The following NBAS variants were observed in gnomAD, a reference collection of about 807,000 sequenced individuals.
NBAS encodes the protein NBAS subunit of NRZ tethering complex, also known as NAG/BC035112 fusion.
NBAS carries 219 observed loss-of-function variants against 302.5 expected under a neutral mutation model. The ratio of observed to expected loss-of-function variants is 0.72; its 90% CI spans 0.65 to 0.81. The LOEUF is 0.81. NBAS is among the 30% of genes least tolerant of loss of function. The pLI, the probability that NBAS is intolerant of heterozygous loss-of-function variation, is 0.00. For missense variants in NBAS, 2,932 were observed against 2,841.6 expected, an observed-to-expected ratio of 1.03 and a Z score of -0.72; for synonymous variants, 1,118 against 1,021.6, an observed-to-expected ratio of 1.09 and a Z score of -1.80.
intron 6 of NBAS, among the ~76,000 whole-genome samples, chr2:15,548,026 AC>A (rs1206407136): frequency 6.6e-6 from 1 of 152,220 alleles, no homozygotes; most frequent in African/African-American, 2.4e-5. Flanking sequence ...ACAGTTTTCC[AC>A]AAATTTATAC....
intron 50 of NBAS, chr2:15,180,152 G>A (rs184908101): frequency 3.9e-5 from 6 of 152,276 alleles, no homozygotes; most frequent in Admixed American, 1.3e-4. Context: ...CATTATTATA[G>A]AGCATCAATA....
the NBAS span, among the ~76,000 whole-genome samples, chr2:15,076,834 A>G: frequency 4.6e-5 from 7 of 152,342 alleles, no homozygotes; most frequent in African/African-American, 1.7e-4. Flanking sequence ...GGAGGAATGG[A>G]GCAATATTTC....
At chr2:15,150,873 C>T in the NBAS span, among the ~76,000 whole-genome samples, 2 of 152,126 alleles carry the variant, frequency 1.3e-5, no homozygotes, top group Non-Finnish European at 1.5e-5. Context: ...CACATCTGCT[C>T]CTTTAGGTTC....
intron 44 of NBAS, among the ~76,000 whole-genome samples, chr2:15,265,398 T>C (rs1418264300): frequency 6.6e-6 from 1 of 152,178 alleles, no homozygotes; most frequent in African/African-American, 2.4e-5. Context: ...CCTCACAAGA[T>C]GTGTGTGAAT....
At chr2:15,350,218 G>C (rs906337011) in intron 35 of NBAS, among the ~76,000 whole-genome samples, 9 of 152,008 alleles carry the variant, frequency 5.9e-5, no homozygotes, top group Non-Finnish European at 1.2e-4. Context: ...CTTTGTACCA[G>C]AGTTCTAAAA....
At chr2:15,001,950 G>T in the NBAS span, among the ~76,000 whole-genome samples, 1 of 152,074 alleles carries the variant, frequency 6.6e-6, no homozygotes, top group African/African-American at 2.4e-5. Context: ...CTGCTGGCTC[G>T]GGCAGCCTGC....
chr2:14,938,587 A>T, the NBAS span, among the ~76,000 whole-genome samples: 1 of 152,240 alleles, frequency 6.6e-6, no homozygotes, highest in African/African-American at 2.4e-5. Flanking sequence ...TATCAAGAAT[A>T]CCAGATTCTA....
rs763894744 is a variant in NBAS at position 15,468,532 on chromosome 2, C to T, written c.1727G>A (p.Ser576Asn). The change falls in exon 17 of 52, where the codon AGT becomes AAT. Residue 576 changes from serine to asparagine, a missense_variant and splice_region_variant. Transcript: ENST00000281513. ...AACCCAGGATCGCTTCTTTATTTTACTCTGCATATAAAGGAAGAAACAGAG... is the reference window on the plus strand; with the variant it reads ...AACCCAGGATCGCTTCTTTATTTTATTCTGCATATAAAGGAAGAAACAGAG... Reference protein sequence around the residue: ...VNVASIQNYLSKIKKRSWVLH... With the variant: ...VNVASIQNYLNKIKKRSWVLH... 109 of 1,613,634 alleles carry T rather than the reference C, an allele frequency of 6.8e-5. No homozygotes were observed. Among genetic ancestry groups the T allele is most frequent in the Non-Finnish European group, 9.2e-5 (109 of 1,179,712 alleles).
intron 42 of NBAS, among the ~76,000 whole-genome samples, chr2:15,277,536 A>G (rs752241230): frequency 3.3e-5 from 5 of 152,236 alleles, no homozygotes; most frequent in Non-Finnish European, 4.4e-5. Flanking sequence ...AATGATACAG[A>G]AAAAACCCTA....
At position 15,488,991 on chromosome 2, in the gene NBAS, T is replaced by C. The variant is rs560143646; in HGVS notation, c.986A>G (p.Asp329Gly). 1.5e-5 allele frequency: 25 copies of C among 1,613,746 alleles called. No individual in the cohort carries two copies. In the South Asian group the frequency reaches 1.9e-4, roughly 12 times the overall value. ...GTGAATGGCTGCCAGGAGCATCCCA[T>C]CTGGAGAAAGGCTCATCTTAAAAAT... The part of the protein sequence containing the change: ...DGIFKMSLSP[D>G]GMLLAAIHFS... Residue 329 changes from aspartate to glycine, a missense_variant, in exon 12 of 52, where the codon GAT (aspartate) becomes GGT (glycine). Asp to Gly is a moderately conservative substitution (Grantham distance 94). Coordinates refer to ENST00000281513, the MANE Select transcript of NBAS (RefSeq NM_015909.4).
intron 44 of NBAS, among the ~76,000 whole-genome samples, chr2:15,261,002 G>T (rs1381355991): frequency 6.6e-6 from 1 of 152,198 alleles, no homozygotes; most frequent in Non-Finnish European, 1.5e-5. Context: ...GGACCCACTA[G>T]TGAGTTATAA....
chr2:14,927,692 TCAC>T, the NBAS span, among the ~76,000 whole-genome samples: 13 of 152,344 alleles, frequency 8.5e-5, no homozygotes, highest in African/African-American at 3.1e-4. Flanking sequence ...GATTCCAATT[TCAC>T]CACATCTTTG....
the NBAS span, among the ~76,000 whole-genome samples, chr2:14,999,864 A>C: frequency 6.6e-6 from 1 of 152,222 alleles, no homozygotes; most frequent in African/African-American, 2.4e-5. Context: ...ACAAATATTC[A>C]AAATTCCTTG....
rs571742107 is a variant in NBAS, at chr2:15,328,601, C to T, written c.4348-289G>A. Among the ~76,000 whole-genome samples, 8 of 152,244 alleles carry T rather than the reference C, an allele frequency of 5.3e-5. No individual in the cohort carries two copies. In the South Asian group the frequency reaches 1.5e-3, roughly 28 times the overall value. On this transcript the variant is annotated intron_variant, in intron 36 of 51. Coordinates refer to ENST00000281513, the MANE Select transcript of NBAS (RefSeq NM_015909.4). The stretch of plus-strand genomic sequence containing the variant: ...CTTTGACATCAATGAATTAGAAACA[C>T]TGAAGCAATCGATGTTGTTCATATG...
chr2:15,031,837 T>C, the NBAS span, among the ~76,000 whole-genome samples: 1 of 152,174 alleles, frequency 6.6e-6, no homozygotes, highest in African/African-American at 2.4e-5. Context: ...GATGGGGCCC[T>C]GTGAAAGAGA....
the NBAS span, among the ~76,000 whole-genome samples, chr2:14,898,098 C>A: frequency 0.024 from 3,709 of 152,246 alleles, 153 homozygotes; most frequent in African/African-American, 0.085. Flanking sequence ...CTACAGACTC[C>A]GCTAACTTGG....
chr2:14,849,492 T>C, the NBAS span, among the ~76,000 whole-genome samples: 18,620 of 150,680 alleles, frequency 0.12, 1,847 homozygotes, highest in African/African-American at 0.3. Flanking sequence ...TGGAACCAAG[T>C]TGGAAAACAC....
At chr2:15,337,264 T>A (rs923420687) in intron 35 of NBAS, among the ~76,000 whole-genome samples, 2 of 151,982 alleles carry the variant, frequency 1.3e-5, no homozygotes, top group Non-Finnish European at 2.9e-5. Flanking sequence ...GAAGCTGCAG[T>A]TAGCTATAAT....
chr2:15,077,538 C>A, the NBAS span, among the ~76,000 whole-genome samples: 1 of 152,078 alleles, frequency 6.6e-6, no homozygotes, highest in South Asian at 2.1e-4. Context: ...CAGTTGGGAA[C>A]ACAGAAAAGC....
Sources: gnomAD v4.1 joint callset for allele counts (sites outside exome capture counted in the v4.1 genomes callset) on GRCh38, gnomAD v4.1.1 for gene constraint, MANE v1.5 for transcripts, NCBI Gene and HGNC (gene_info 2026-07-23, HGNC 2026-07-21) for gene names.